ITGAV: variants seen among roughly 807,000 people sequenced by gnomAD.
The protein encoded by ITGAV is integrin alpha-V.
ITGAV carries 76 observed loss-of-function variants against 143.8 expected under a neutral mutation model. That is an observed-to-expected ratio of 0.53 (90% CI 0.44 to 0.64). The LOEUF (loss-of-function observed/expected upper bound fraction) is 0.64. Among genes scored for constraint, ITGAV ranks in the 30% least tolerant of loss-of-function variants. The pLI is 0.00. For synonymous variants in ITGAV, 453 were observed against 446.7 expected, an observed-to-expected ratio of 1.01 and a Z score of -0.18; for missense variants, 1,193 against 1,274.7, an observed-to-expected ratio of 0.94 and a Z score of 0.98.
At chr2:186,648,956 A>G (rs527975959) in intron 13 of ITGAV, among the ~76,000 whole-genome samples, 115 of 146,802 alleles carry the variant, frequency 7.8e-4, no homozygotes, top group African/African-American at 1.9e-3. Context: ...ATTTGTGTGT[A>G]TATATATATA....
At chr2:186,666,409 A>G (rs1230818544) in intron 21 of ITGAV, among the ~76,000 whole-genome samples, 2 of 152,208 alleles carry the variant, frequency 1.3e-5, no homozygotes, top group Non-Finnish European at 1.5e-5. Flanking sequence ...CAGTTGCTAG[A>G]CTTTCACTGG....
intron 10 of ITGAV, among the ~76,000 whole-genome samples, chr2:186,639,872 A>G (rs979283768): frequency 6.6e-6 from 1 of 152,184 alleles, no homozygotes; most frequent in African/African-American, 2.4e-5. Flanking sequence ...ACTAAGGCCC[A>G]TGAATATTAT....
At chr2:186,600,142 G>A in intron 1 of ITGAV, 1 of 522,908 alleles carries the variant, frequency 1.9e-6, no homozygotes. Flanking sequence ...CTTAGTTATT[G>A]CCAGGCTCCT....
At chr2:186,651,733 G>A (rs905440270) in intron 14 of ITGAV, among the ~76,000 whole-genome samples, 4 of 152,124 alleles carry the variant, frequency 2.6e-5, no homozygotes, top group Admixed American at 1.3e-4. Flanking sequence ...GCCAGCCATT[G>A]TCCCACTTTG....
At chr2:186,651,292 A>G (rs1384421486) in intron 14 of ITGAV, among the ~76,000 whole-genome samples, 2 of 152,222 alleles carry the variant, frequency 1.3e-5, no homozygotes, top group African/African-American at 4.8e-5. Flanking sequence ...AGACAGGCAC[A>G]TTGACTTGAG....
At chr2:186,638,864 A>AG (rs1688024579) in intron 10 of ITGAV, among the ~76,000 whole-genome samples, 1 of 150,904 alleles carries the variant, frequency 6.6e-6, no homozygotes, top group South Asian at 2.1e-4. Flanking sequence ...TTTTAACCAA[A>AG]GTAATTTGGA....
chr2:186,609,843 G>C (rs2105667047), intron 2 of ITGAV, among the ~76,000 whole-genome samples: 1 of 152,134 alleles, frequency 6.6e-6, no homozygotes, highest in East Asian at 1.9e-4. Flanking sequence ...GTGGTGGTGG[G>C]GTTATGGTGT....
intron 2 of ITGAV, among the ~76,000 whole-genome samples, chr2:186,618,660 C>T (rs1003478499): frequency 5.9e-5 from 9 of 151,978 alleles, no homozygotes; most frequent in Middle Eastern, 3.2e-3. Context: ...CAAAGTGGTA[C>T]GGAGAGATTG....
At position 186,659,074 on chromosome 2, in the gene ITGAV, A is replaced by G. The variant is rs1270457792; in HGVS notation, c.1756A>G (p.Thr586Ala). The G allele has an allele frequency of 6.2e-7, 1 of 1,610,488 alleles. No homozygotes were observed. Residue 586 changes from threonine (T) to alanine (A), a missense_variant, in exon 18 of 30, where the codon ACT (threonine) becomes GCT (alanine). Coordinates refer to ENST00000261023, the MANE Select transcript of ITGAV (RefSeq NM_002210.5). The stretch of plus-strand genomic sequence containing the variant: ...ATTTAGAGACAAACTCACTCCAATT[A>G]CTATTTTTATGGAATATCGGTTGGA... Reference protein sequence around the residue: ...SEFRDKLTPITIFMEYRLDYR... With the variant: ...SEFRDKLTPIAIFMEYRLDYR...
chr2:186,661,268 A>C lies in ITGAV; in HGVS notation c.1857+2093A>C, dbSNP rs147854333. On this transcript the variant is annotated intron_variant, in intron 18 of 29. Coordinates refer to ENST00000261023, the MANE Select transcript of ITGAV (RefSeq NM_002210.5). Reference sequence around the variant, plus strand: ...TGTATTTAGAATCCATGTAATTCACAGTTGAAAAAGTAGATTCAAATACTC... The same window carrying C: ...TGTATTTAGAATCCATGTAATTCACCGTTGAAAAAGTAGATTCAAATACTC... Among the ~76,000 whole-genome samples the C allele has an allele frequency of 7.7e-3, 1,170 of 152,328 alleles. 15 individuals are homozygous for C. Among genetic ancestry groups the C allele is most frequent in the African/African-American group, 0.027 (1,114 of 41,578 alleles).
chr2:186,597,403 A>T (rs1686775677), intron 1 of ITGAV, among the ~76,000 whole-genome samples: 1 of 152,176 alleles, frequency 6.6e-6, no homozygotes, highest in Non-Finnish European at 1.5e-5. Context: ...AGGGGTTCAG[A>T]CGTAGTGGAA....
At chr2:186,673,927 C>G (rs1174305827) in intron 26 of ITGAV, among the ~76,000 whole-genome samples, 1 of 152,120 alleles carries the variant, frequency 6.6e-6, no homozygotes, top group East Asian at 1.9e-4. Context: ...ACCTTGGCCT[C>G]CCGAAAGTTC....
At chr2:186,656,486 G>A (rs960787025) in intron 17 of ITGAV, 85 bp downstream of exon 17, 2 of 1,031,354 alleles carry the variant, frequency 1.9e-6, no homozygotes, top group Non-Finnish European at 2.7e-6. Context: ...CTGTAAATTA[G>A]TGTTAGATCA....
At chr2:186,645,083 A>G (rs1688217194) in intron 12 of ITGAV, among the ~76,000 whole-genome samples, 2 of 152,216 alleles carry the variant, frequency 1.3e-5, no homozygotes, top group Admixed American at 6.5e-5. Context: ...TCTATAGCTT[A>G]CTTACTTTGT....
At position 186,623,772 on chromosome 2, in the gene ITGAV, A is replaced by G. The variant is rs574960038; in HGVS notation, c.408+1342A>G. Among the ~76,000 whole-genome samples the G allele has an allele frequency of 9.8e-5, 15 of 152,300 alleles. No individual in the cohort carries two copies. In the South Asian group the frequency reaches 3.1e-3, roughly 32 times the overall value. On this transcript the variant is annotated intron_variant, in intron 3 of 29. Coordinates refer to ENST00000261023, the MANE Select transcript of ITGAV (RefSeq NM_002210.5). ...TTTAGGAGGCCTGGGTTTCCACCCT[A>G]TTCACTAGTGAGCACTCACAATCTG...
At chr2:186,599,977 A>AT (rs1013764493) in intron 1 of ITGAV, among the ~76,000 whole-genome samples, 1 of 151,786 alleles carries the variant, frequency 6.6e-6, no homozygotes, top group Non-Finnish European at 1.5e-5. Context: ...TCCTTGTTCC[A>AT]TTTTTTTCTC....
chr2:186,656,312 C>T lies in ITGAV; in HGVS notation c.1630C>T (p.Leu544Phe). 2 of 1,586,824 alleles carry T rather than the reference C, an allele frequency of 1.3e-6. No individual in the cohort carries two copies. Among genetic ancestry groups the T allele is most frequent in the African/African-American group, 1.4e-5 (1 of 72,964 alleles). ...QKGAIRRALF[L>F]YSRSPSHSKN... ...GGGAGCAATTCGACGAGCACTGTTT[C>T]TCTACAGCAGGTCCCCAAGTCACTC... The change falls in exon 17 of 30, where the codon CTC (leucine) becomes TTC (phenylalanine). Residue 544 changes from leucine (L) to phenylalanine (F), a missense_variant. Leu to Phe is a conservative substitution (Grantham distance 22, BLOSUM62 0). Coordinates refer to ENST00000261023, the MANE Select transcript of ITGAV (RefSeq NM_002210.5).
In ITGAV at chr2:186,633,347, G is replaced by T; in HGVS notation, c.604G>T (p.Gly202Cys). ...DFTKADRVLL[G>C]GPGSFYWQGQ... ...CATCTAGGCTGACAGAGTACTTCTT[G>T]GTGGTCCTGGTAGCTTTTATTGGCA... Residue 202 changes from glycine to cysteine, a missense_variant, in exon 6 of 30, where the codon GGT (glycine) becomes TGT (cysteine). Physicochemically the swap from Gly to Cys is radical, Grantham distance 159. Transcript: ENST00000261023. 1 of 1,585,496 alleles carries T rather than the reference G, an allele frequency of 6.3e-7. No homozygotes were observed. Among genetic ancestry groups the T allele is most frequent in the Non-Finnish European group, 8.6e-7 (1 of 1,160,372 alleles).
At chr2:186,673,408 A>G (rs887722807) in intron 26 of ITGAV, among the ~76,000 whole-genome samples, 4 of 152,274 alleles carry the variant, frequency 2.6e-5, no homozygotes, top group Non-Finnish European at 4.4e-5. Flanking sequence ...TTGCGATTCC[A>G]TGTGGATTTT....
Sources: gnomAD v4.1 joint callset for allele counts (sites outside exome capture counted in the v4.1 genomes callset) on GRCh38, gnomAD v4.1.1 for gene constraint, MANE v1.5 for transcripts, NCBI Gene and HGNC (gene_info 2026-07-23, HGNC 2026-07-21) for gene names.